The following GABRB1 variants were observed in gnomAD, a reference collection of about 807,000 sequenced individuals.
The protein encoded by GABRB1 is gamma-aminobutyric acid receptor subunit beta-1.
In GABRB1, 17 loss-of-function variants were observed where a neutral mutation model predicts 51.6. The ratio of observed to expected loss-of-function variants is 0.33; its 90% CI spans 0.23 to 0.49. GABRB1 has a LOEUF of 0.49. GABRB1 is among the 20% of genes least tolerant of loss of function. GABRB1 has a pLI of 0.99. For missense variants in GABRB1, 410 were observed against 600.6 expected, an observed-to-expected ratio of 0.68 and a Z score of 3.32; for synonymous variants, 247 against 218.9, an observed-to-expected ratio of 1.13 and a Z score of -1.14.
At chr4:47,172,443 A>G (rs187967162) in intron 4 of GABRB1, among the ~76,000 whole-genome samples, 29 of 152,182 alleles carry the variant, frequency 1.9e-4, no homozygotes, top group African/African-American at 5.8e-4. Flanking sequence ...ACACATTTTG[A>G]GAAGAAAATA....
intron 4 of GABRB1, among the ~76,000 whole-genome samples, chr4:47,214,910 G>A (rs575733238): frequency 6.6e-6 from 1 of 152,242 alleles, no homozygotes; most frequent in Admixed American, 6.5e-5. Flanking sequence ...GTATATGACA[G>A]CCCTAAGTAA....
chr4:47,292,777 C>T (rs1028642017), intron 4 of GABRB1, among the ~76,000 whole-genome samples: 1 of 152,214 alleles, frequency 6.6e-6, no homozygotes, highest in African/African-American at 2.4e-5. Flanking sequence ...CTGTGTCATC[C>T]CACAGGTAAA....
intron 3 of GABRB1, among the ~76,000 whole-genome samples, chr4:47,087,608 C>G (rs1264652342): frequency 6.6e-6 from 1 of 150,698 alleles, no homozygotes; most frequent in Non-Finnish European, 1.5e-5. Flanking sequence ...AGGTCAAATT[C>G]TAGAATATCT....
At chr4:47,002,227 G>T (rs1177856576) in intron 1 of GABRB1, among the ~76,000 whole-genome samples, 2 of 152,056 alleles carry the variant, frequency 1.3e-5, no homozygotes, top group Admixed American at 6.5e-5. Context: ...AAAAACATAG[G>T]CCTAAGCCTT....
At chr4:47,228,253 CAA>C (rs1721021030) in intron 4 of GABRB1, among the ~76,000 whole-genome samples, 1 of 152,056 alleles carries the variant, frequency 6.6e-6, no homozygotes, top group Non-Finnish European at 1.5e-5. Context: ...TATCCTGAGG[CAA>C]AATTCTTCTC....
intron 4 of GABRB1, among the ~76,000 whole-genome samples, chr4:47,189,270 A>C (rs1302107607): frequency 6.6e-6 from 1 of 151,932 alleles, no homozygotes; most frequent in Non-Finnish European, 1.5e-5. Flanking sequence ...TGGGTTAAGC[A>C]CTGGAGTCAA....
chr4:47,059,033 A>G (rs994050972), intron 3 of GABRB1, among the ~76,000 whole-genome samples: 1 of 152,334 alleles, frequency 6.6e-6, no homozygotes, highest in Non-Finnish European at 1.5e-5. Flanking sequence ...TTCAATGTCA[A>G]ATTTTGCATC....
intron 4 of GABRB1, among the ~76,000 whole-genome samples, chr4:47,176,752 A>G (rs1256948332): frequency 6.6e-6 from 1 of 152,134 alleles, no homozygotes; most frequent in Non-Finnish European, 1.5e-5. Flanking sequence ...CAGAATTAAC[A>G]AAAGGAGCCA....
intron 4 of GABRB1, among the ~76,000 whole-genome samples, chr4:47,181,590 T>A (rs1718951104): frequency 2.0e-5 from 3 of 152,008 alleles, no homozygotes; most frequent in Admixed American, 2.0e-4. Flanking sequence ...ACTTTTCTCA[T>A]CCATAAGAGG....
In GABRB1 at chr4:47,426,410, A is replaced by G. The variant is rs1276251022; in HGVS notation, c.*392A>G. ...CGCCTGCACTGCTTCCTGGTAAACT[A>G]TAACAAACTTATGCTGCCAAAAAAA... On this transcript the variant is annotated 3_prime_UTR_variant, in exon 9 of 9. Transcript: ENST00000295454. The G allele has an allele frequency of 1.3e-5, 2 of 151,200 alleles. No homozygotes were observed. The highest frequency in any genetic ancestry group is 2.9e-5 in the Non-Finnish European group (2 of 69,492). The allele number at this position is 151,200 out of a possible 1,614,324, so 9.4% of individuals were successfully genotyped here.
intron 3 of GABRB1, among the ~76,000 whole-genome samples, chr4:47,043,599 T>A (rs928534663): frequency 6.6e-6 from 1 of 152,100 alleles, no homozygotes; most frequent in Non-Finnish European, 1.5e-5. Flanking sequence ...CCTTTAGTTC[T>A]GCAAAATGGA....
chr4:47,298,931 G>A (rs79523541), intron 4 of GABRB1, among the ~76,000 whole-genome samples: 85,034 of 149,010 alleles, frequency 0.57, 24,147 homozygotes, highest in East Asian at 0.68. Context: ...CAGAAATAAC[G>A]CCGCATATCT....
chr4:47,044,950 T>C (rs9999804), intron 3 of GABRB1, among the ~76,000 whole-genome samples: 83,062 of 151,774 alleles, frequency 0.55, 23,261 homozygotes, highest in African/African-American at 0.66. Context: ...AAATTTCAAT[T>C]GGTATATGGT....
chr4:47,166,262 A>AT (rs571516127), intron 4 of GABRB1, among the ~76,000 whole-genome samples: 2 of 151,746 alleles, frequency 1.3e-5, no homozygotes, highest in Non-Finnish European at 2.9e-5. Context: ...TTATTGGAGG[A>AT]TTTTTTTTCA....
chr4:47,184,474 A>G (rs984181968), intron 4 of GABRB1, among the ~76,000 whole-genome samples: 2 of 151,950 alleles, frequency 1.3e-5, no homozygotes, highest in East Asian at 1.9e-4. Context: ...TTGCTGCTCC[A>G]TCTCACCTTG....
intron 1 of GABRB1, among the ~76,000 whole-genome samples, chr4:46,997,591 T>C (rs1219036401): frequency 6.6e-6 from 1 of 152,068 alleles, no homozygotes; most frequent in Non-Finnish European, 1.5e-5. Flanking sequence ...AGTGAGATCA[T>C]TTCATATTTA....
intron 4 of GABRB1, among the ~76,000 whole-genome samples, chr4:47,312,948 C>A (rs1476932045): frequency 6.6e-6 from 1 of 152,098 alleles, no homozygotes; most frequent in East Asian, 1.9e-4. Flanking sequence ...AATCATGCCA[C>A]CTTCAGACAT....
chr4:47,376,873 C>T (rs1727400812), intron 5 of GABRB1, among the ~76,000 whole-genome samples: 1 of 152,166 alleles, frequency 6.6e-6, no homozygotes, highest in Non-Finnish European at 1.5e-5. Flanking sequence ...TATTAGAATA[C>T]AAACAAGACA....
At chr4:47,304,169 T>A (rs1724363552) in intron 4 of GABRB1, among the ~76,000 whole-genome samples, 1 of 152,018 alleles carries the variant, frequency 6.6e-6, no homozygotes, top group Non-Finnish European at 1.5e-5. Context: ...AGTAGACGGA[T>A]TGCAGGATCA....
Sources: gnomAD v4.1 joint callset for allele counts (sites outside exome capture counted in the v4.1 genomes callset) on GRCh38, gnomAD v4.1.1 for gene constraint, MANE v1.5 for transcripts, NCBI Gene and HGNC (gene_info 2026-07-23, HGNC 2026-07-21) for gene names.